Variants in HEPH observed in about 807,000 individuals in gnomAD.
The protein encoded by HEPH is hephaestin.
A neutral mutation model predicts 80.8 loss-of-function variants in HEPH; 69 were observed. The ratio of observed to expected loss-of-function variants is 0.85; its 90% confidence interval spans 0.70 to 1.04. The LOEUF is 1.04. Ranked by LOEUF, HEPH falls within the 50% of genes least tolerant of loss-of-function variation. The probability of loss-of-function intolerance (pLI) is 0.00; values close to 1 mark genes in which losing one functional copy is unlikely to be tolerated. For missense variants in HEPH, 1,115 were observed against 891.3 expected, an observed-to-expected ratio of 1.25 and a Z score of -3.20; for synonymous variants, 431 against 322.8, an observed-to-expected ratio of 1.34 and a Z score of -3.60.
intron 6 of HEPH, among the ~76,000 whole-genome samples, chrX:66,191,881 A>T (rs1046929193): frequency 9.0e-6 from 1 of 111,336 alleles, no homozygotes; most frequent in Admixed American, 9.6e-5. Flanking sequence ...CTTTATGAAG[A>T]GGCAGGAATG....
At position 66,208,252 on chromosome X, in the gene HEPH, T is replaced by C. The variant is rs1001239062; in HGVS notation, c.2563+6T>C. On this transcript the variant is annotated splice_donor_region_variant and intron_variant, in intron 15 of 20. Coordinates refer to ENST00000343002, the MANE Select transcript of HEPH (RefSeq NM_001367233.3). Reference sequence around the variant, plus strand: ...GCCACTGGCTGCTGAGCCTGGTGAGTGGGGACACTTAGTGAAAGAACAAAG... The same window carrying C: ...GCCACTGGCTGCTGAGCCTGGTGAGCGGGGACACTTAGTGAAAGAACAAAG... 2.8e-5 allele frequency: 34 copies of C among 1,198,902 alleles called. No homozygotes were observed. Among genetic ancestry groups the C allele is most frequent in the Admixed American group, 9.0e-5 (4 of 44,635 alleles).
chrX:66,191,240 C>T (rs1433393163), intron 6 of HEPH, among the ~76,000 whole-genome samples: 1 of 111,696 alleles, frequency 9.0e-6, no homozygotes, highest in Non-Finnish European at 1.9e-5. Context: ...TTTTCTTCAT[C>T]CGCAAAAGGG....
Position 66,204,507 on chromosome X carries a change from A to G in HEPH, c.2291+930A>G, listed in dbSNP as rs183385651. On this transcript the variant is annotated intron_variant, in intron 13 of 20. Transcript: ENST00000343002. ...TTAATTCTTGATTTTTGATGTTCAG[A>G]TAGACATACAATTATGAAAACAAAA... is the stretch of plus-strand genomic sequence containing the variant. Among the ~76,000 whole-genome samples, 72 of 112,533 alleles carry G rather than the reference A, an allele frequency of 6.4e-4. 2 individuals carry two copies. The East Asian group carries it at 0.011, about 17-fold the overall frequency.
chrX:66,267,611 G>A (rs1314005161), downstream of HEPH: 1 of 111,538 alleles, frequency 9.0e-6, no homozygotes, highest in Admixed American at 9.5e-5. Context: ...AAAATTTTCT[G>A]AGTGTCAAGA....
chrX:66,186,277 C>A (rs1602250100), intron 4 of HEPH, among the ~76,000 whole-genome samples: 1 of 54,446 alleles, frequency 1.8e-5, no homozygotes, highest in Non-Finnish European at 3.0e-5. Context: ...CAAGCCTGGG[C>A]AATGGCGGGC....
At chrX:66,180,578 G>A (rs763118627) in intron 4 of HEPH, among the ~76,000 whole-genome samples, 123 of 105,716 alleles carry the variant, frequency 1.2e-3, no homozygotes, top group African/African-American at 4.0e-3. Context: ...TAACCTGATG[G>A]CAATGTACCT....
At chrX:66,198,842 C>T in intron 10 of HEPH, 36 bp from the exon 11 acceptor site, 1 of 1,081,021 alleles carries the variant, frequency 9.3e-7, no homozygotes, top group Non-Finnish European at 1.3e-6. Flanking sequence ...AAACTATTGT[C>T]ATTATTCCCT....
chrX:66,257,354 G>A (rs1420017594), intron 17 of HEPH, among the ~76,000 whole-genome samples: 1 of 111,746 alleles, frequency 8.9e-6, no homozygotes, highest in Non-Finnish European at 1.9e-5. Context: ...TATCGATCGA[G>A]CAGGTATTTG....
intron 20 of HEPH, among the ~76,000 whole-genome samples, 193 bp from the exon 21 acceptor site, chrX:66,266,247 T>C (rs1249382946): frequency 9.0e-6 from 1 of 111,168 alleles, no homozygotes; most frequent in Non-Finnish European, 1.9e-5. Flanking sequence ...CAAGGACCCT[T>C]ATAGCTGTTA....
At chrX:66,249,676 G>A (rs1005115166) in intron 15 of HEPH, among the ~76,000 whole-genome samples, 2 of 111,767 alleles carry the variant, frequency 1.8e-5, no homozygotes, top group Admixed American at 9.5e-5. Flanking sequence ...TACACCTAGG[G>A]AGGTTAGTGG....
chrX:66,246,652 A>T (rs1233744063), intron 15 of HEPH, among the ~76,000 whole-genome samples: 1 of 111,243 alleles, frequency 9.0e-6, no homozygotes, highest in African/African-American at 3.3e-5. Context: ...CCTGTGGAGG[A>T]TGTGAGTATC....
intron 4 of HEPH, among the ~76,000 whole-genome samples, chrX:66,187,025 C>T (rs1236070902): frequency 9.0e-6 from 1 of 111,167 alleles, no homozygotes. Flanking sequence ...ATTGATGAGA[C>T]TTTCCAGAGG....
At position 66,255,053 on chromosome X, in the gene HEPH, A is replaced by T. The variant is rs1230053969; in HGVS notation, c.2582A>T (p.Gln861Leu). 8.3e-7 allele frequency: 1 copy of T among 1,201,367 alleles called. No individual in the cohort carries two copies. The highest frequency in any genetic ancestry group is 1.1e-6 in the Non-Finnish European group (1 of 889,610). The change falls in exon 16 of 21, where the codon CAG (glutamine) becomes CTG (leucine). Residue 861 changes from glutamine to leucine, a missense_variant. Transcript: ENST00000343002. ...AAEPGEVVTY[Q>L]WNIPERSGPG... is the part of the protein sequence containing the mutation. ...CTTCTAGGTGAGGTGGTCACTTATC[A>T]GTGGAACATCCCAGAGAGGTCTGGC...
At chrX:66,241,401 A>G (rs1484572262) in intron 15 of HEPH, among the ~76,000 whole-genome samples, 1 of 111,910 alleles carries the variant, frequency 8.9e-6, no homozygotes, top group African/African-American at 3.2e-5. Context: ...ATCAAAGTAA[A>G]GTGATGGAGG....
intron 4 of HEPH, among the ~76,000 whole-genome samples, chrX:66,175,725 C>T (rs892756656): frequency 1.9e-5 from 2 of 104,828 alleles, no homozygotes; most frequent in Admixed American, 2.0e-4. Flanking sequence ...TCTTTCACCT[C>T]CTCAGTTAGG....
intron 4 of HEPH, among the ~76,000 whole-genome samples, chrX:66,179,027 A>G (rs2086960741): frequency 8.9e-6 from 1 of 111,770 alleles, no homozygotes; most frequent in African/African-American, 3.3e-5. Flanking sequence ...GCCCATGCCT[A>G]TGTCCTAAAT....
intron 15 of HEPH, among the ~76,000 whole-genome samples, chrX:66,242,272 A>G (rs1272461618): frequency 9.0e-6 from 1 of 111,496 alleles, no homozygotes; most frequent in Non-Finnish European, 1.9e-5. Flanking sequence ...ATGGGAAAAG[A>G]AGTTCCTAAT....
In HEPH at chrX:66,246,262, C is replaced by T. The variant is rs149776945; in HGVS notation, c.2564-8773C>T. Among the ~76,000 whole-genome samples the T allele has an allele frequency of 4.6e-3, 513 of 111,947 alleles. 3 individuals carry two copies. Among genetic ancestry groups the T allele is most frequent in the African/African-American group, 0.015 (455 of 30,799 alleles). On this transcript the variant is annotated intron_variant, in intron 15 of 20. Coordinates refer to ENST00000343002, the MANE Select transcript of HEPH (RefSeq NM_001367233.3). ...GGGTTAGAAAATCTAGCAGGCATTA[C>T]CTGCCTGGCTACCAGTGGCAGGAGT...
chrX:66,224,350 G>T (rs2089788713), intron 15 of HEPH, among the ~76,000 whole-genome samples: 1 of 110,058 alleles, frequency 9.1e-6, no homozygotes, highest in Non-Finnish European at 1.9e-5. Flanking sequence ...AGTTACCTGG[G>T]AGGAACCATT....
Sources: allele counts gnomAD v4.1 joint callset (sites outside exome capture counted in the v4.1 genomes callset), GRCh38; gene constraint gnomAD v4.1.1; transcripts MANE v1.5; gene names NCBI Gene and HGNC (gene_info 2026-07-23, HGNC 2026-07-21).